Variants in SIK2 observed in about 807,000 individuals in gnomAD.
SIK2 encodes the protein serine/threonine-protein kinase SIK2.
Under a neutral mutation model 103.2 loss-of-function variants are expected in SIK2, and 29 were observed. The ratio of observed to expected loss-of-function variants is 0.28; its 90% CI spans 0.21 to 0.38. The LOEUF (loss-of-function observed/expected upper bound fraction) is 0.38, where lower values mean the gene tolerates loss of function less well. SIK2 is among the 10% of genes least tolerant of loss of function. The probability of loss-of-function intolerance (pLI) is 1.00; values close to 1 mark genes in which losing one functional copy is unlikely to be tolerated. For missense variants in SIK2, 879 were observed against 1,171.0 expected (o/e 0.75, Z 3.64); for synonymous variants, 412 against 446.1 (o/e 0.92, Z 0.96).
Position 111,723,911 on chromosome 11 carries a change from G to C in SIK2, c.2563G>C (p.Ala855Pro), listed in dbSNP as rs966698712. 1 of 1,613,562 alleles carries C rather than the reference G, an allele frequency of 6.2e-7. No homozygotes were observed. Among genetic ancestry groups the C allele is most frequent in the African/African-American group, 1.3e-5 (1 of 74,882 alleles). ...TCAGACTTGTGAGCTGCCAAGCGCTGCTTCCCCTGCGCCAGACTATCCCAC... is the reference window on the plus strand; with the variant it reads ...TCAGACTTGTGAGCTGCCAAGCGCTCCTTCCCCTGCGCCAGACTATCCCAC... Reference protein sequence around the residue: ...SYQTCELPSAASPAPDYPTPC... With the variant: ...SYQTCELPSAPSPAPDYPTPC... The change falls in exon 15 of 15, where the codon GCT becomes CCT. Residue 855 changes from alanine to proline, a missense_variant. Around this residue, in one of 7 missense-constraint regions of SIK2, gnomAD observed 375 missense variants for 416.3 expected, o/e 0.90. Coordinates refer to ENST00000304987, the MANE Select transcript of SIK2 (RefSeq NM_015191.3).
rs1943331805 is a variant in SIK2, at chr11:111,705,849, G to C, written c.1101+710G>C. Reference sequence around the variant, plus strand: ...AGGATGGGTCAGATAGAGAAAAGAAGAAATTTGGAGAGAGCAGTTAGGAGA... The same window carrying C: ...AGGATGGGTCAGATAGAGAAAAGAACAAATTTGGAGAGAGCAGTTAGGAGA... On this transcript the variant is annotated intron_variant, in intron 8 of 14. Transcript: ENST00000304987. The surrounding 1 kb of genome is among the most constrained non-coding windows in gnomAD (Gnocchi z 4.3). 6.6e-6 allele frequency among the ~76,000 whole-genome samples: 1 copy of C among 152,196 alleles called. No homozygotes were observed. The highest frequency in any genetic ancestry group is 1.5e-5 in the Non-Finnish European group (1 of 68,034).
At chr11:111,695,993 C>T (rs182094787) in intron 4 of SIK2, among the ~76,000 whole-genome samples, 9 of 152,284 alleles carry the variant, frequency 5.9e-5, no homozygotes, top group African/African-American at 2.2e-4. Context: ...AATAGCAGCT[C>T]TAGGGCTGTG....
intron 3 of SIK2, among the ~76,000 whole-genome samples, chr11:111,632,910 T>C (rs558669183): frequency 1.1e-4 from 16 of 152,294 alleles, no homozygotes; most frequent in Admixed American, 5.9e-4. Flanking sequence ...TAATTTAATA[T>C]GTGGCTTTGG....
Position 111,720,017 on chromosome 11 carries a change from G to A in SIK2, c.1495+14G>A, listed in dbSNP as rs747296712. On this transcript the variant is annotated intron_variant, in intron 10 of 14. Coordinates refer to ENST00000304987, the MANE Select transcript of SIK2 (RefSeq NM_015191.3). ...TGCCTGGGGCAGGTACGGTAGAGGA[G>A]CGACACTAGCTTGAGTCTTCATGGC... 8 of 1,606,274 alleles carry A rather than the reference G, an allele frequency of 5.0e-6. 1 individual carries two copies. The African/African-American group carries it at 8.0e-5, about 16-fold the overall frequency.
At chr11:111,721,770 G>A (rs1487568840) in intron 12 of SIK2, 60 bp from the exon 13 acceptor site, 24 of 1,360,666 alleles carry the variant, frequency 1.8e-5, no homozygotes, top group Non-Finnish European at 2.4e-5. Context: ...CTTCAGCTAA[G>A]AACTGAGACG....
chr11:111,692,927 T>C (rs192613234), intron 4 of SIK2, among the ~76,000 whole-genome samples: 1 of 152,156 alleles, frequency 6.6e-6, no homozygotes, highest in African/African-American at 2.4e-5. Context: ...ATTAAAATAT[T>C]TTTGTGTTTA....
Position 111,703,416 on chromosome 11 carries a change from C to T in SIK2, c.941C>T (p.Thr314Ile). The T allele has an allele frequency of 2.5e-6, 4 of 1,613,574 alleles. No individual in the cohort carries two copies. The highest frequency in any genetic ancestry group is 3.4e-6 in the Non-Finnish European group (4 of 1,179,806). The stretch of plus-strand genomic sequence containing the variant: ...AGCCTTGGAATAGATCAGCAGAAAA[C>T]CATTGAGGTAAAGTGATCAGAGATT... ...MHSLGIDQQKTIESLQNKSYN... is the reference protein window; with the variant it reads ...MHSLGIDQQKIIESLQNKSYN... Residue 314 changes from threonine to isoleucine, a missense_variant, in exon 7 of 15, where the codon ACC becomes ATC. Around this residue, in one of 7 missense-constraint regions of SIK2, gnomAD observed 99 missense variants for 153.9 expected, o/e 0.64. Coordinates refer to ENST00000304987, the MANE Select transcript of SIK2 (RefSeq NM_015191.3).
chr11:111,709,020 C>T (rs1943425112), intron 8 of SIK2, among the ~76,000 whole-genome samples: 1 of 152,220 alleles, frequency 6.6e-6, no homozygotes, highest in Non-Finnish European at 1.5e-5. Context: ...GGTTGCCCTT[C>T]ACAACAGGTT....
At position 111,672,031 on chromosome 11, in the gene SIK2, G is replaced by T. The variant is rs77266779; in HGVS notation, c.317-15970G>T. The T allele has an allele frequency of 8.4e-3, 4,336 of 517,936 alleles. 50 individuals are homozygous for T. Among genetic ancestry groups the T allele is most frequent in the South Asian group, 0.023 (1,585 of 70,422 alleles). 32.1% of individuals were successfully genotyped at this position (517,936 alleles called of 1,614,324 possible). ...CAGGAGGCTCCACTTGGTCTCAAGT[G>T]CCTTGTTCTGCTGCTCCAGGAACCA... On this transcript the variant is annotated intron_variant, in intron 3 of 14. Transcript: ENST00000304987.
chr11:111,716,038 G>A (rs1027712741), intron 9 of SIK2, among the ~76,000 whole-genome samples: 3 of 151,996 alleles, frequency 2.0e-5, no homozygotes, highest in South Asian at 4.1e-4. Flanking sequence ...CTGTCCTCAG[G>A]TGATCTGCCC....
intron 3 of SIK2, among the ~76,000 whole-genome samples, chr11:111,631,794 A>G (rs1942043701): frequency 6.6e-6 from 1 of 152,084 alleles, no homozygotes; most frequent in South Asian, 2.1e-4. Flanking sequence ...TTTCTCTTCT[A>G]CTTCTTGAAT....
chr11:111,605,945 C>A (rs180778738), intron 1 of SIK2, among the ~76,000 whole-genome samples: 145 of 152,168 alleles, frequency 9.5e-4, no homozygotes, highest in Non-Finnish European at 1.7e-3. Flanking sequence ...CTTCCTAATA[C>A]GCTTTGCAAA....
In SIK2 at chr11:111,693,604, A is replaced by G. The variant is rs115347904; in HGVS notation, c.478+5442A>G. Among the ~76,000 whole-genome samples the G allele has an allele frequency of 2.2e-3, 342 of 152,316 alleles. 1 individual carries two copies. Among genetic ancestry groups the G allele is most frequent in the African/African-American group, 7.9e-3 (328 of 41,580 alleles). Reference sequence around the variant, plus strand: ...TATTCTCCAACTTTCCCAATCTAAAATGTTTATAATAAATACTTAAATAAG... The same window carrying G: ...TATTCTCCAACTTTCCCAATCTAAAGTGTTTATAATAAATACTTAAATAAG... On this transcript the variant is annotated intron_variant, in intron 4 of 14. Coordinates refer to ENST00000304987, the MANE Select transcript of SIK2 (RefSeq NM_015191.3).
chr11:111,621,355 C>G (rs1941883296), intron 3 of SIK2, among the ~76,000 whole-genome samples: 1 of 152,076 alleles, frequency 6.6e-6, no homozygotes, highest in African/African-American at 2.4e-5. Flanking sequence ...AGGATATATT[C>G]TTTTTTTGGT....
At chr11:111,662,621 A>T (rs1201505002) in intron 3 of SIK2, among the ~76,000 whole-genome samples, 1 of 152,086 alleles carries the variant, frequency 6.6e-6, no homozygotes, top group East Asian at 1.9e-4. Context: ...TCACGCCTGT[A>T]ATCCCAGCAC....
chr11:111,707,614 G>A (rs554190371), intron 8 of SIK2, among the ~76,000 whole-genome samples: 3 of 152,226 alleles, frequency 2.0e-5, no homozygotes, highest in Admixed American at 6.5e-5. Context: ...TTCACATTTT[G>A]AGTTTTAGTG....
chr11:111,726,706 C>A lies in SIK2; in HGVS notation c.*2577C>A, dbSNP rs1017019026. The A allele has an allele frequency of 4.3e-5, 21 of 492,960 alleles. No individual in the cohort carries two copies. Among genetic ancestry groups the A allele is most frequent in the African/African-American group, 3.5e-4 (18 of 52,088 alleles). The allele number at this position is 492,960 out of a possible 1,614,324, so 30.5% of individuals were successfully genotyped here. Reference sequence around the variant, plus strand: ...CTTCCAAGCAGTTTTCTCTTCATCACTACTAACAAACAAAACACTAAGAAG... The same window carrying A: ...CTTCCAAGCAGTTTTCTCTTCATCAATACTAACAAACAAAACACTAAGAAG... On this transcript the variant is annotated 3_prime_UTR_variant, in exon 15 of 15. Transcript: ENST00000304987.
intron 2 of SIK2, among the ~76,000 whole-genome samples, chr11:111,618,768 T>C (rs919885184): frequency 1.3e-5 from 2 of 152,218 alleles, no homozygotes; most frequent in African/African-American, 4.8e-5. Flanking sequence ...TCTTGCTCTG[T>C]CACCCAGCGT....
chr11:111,666,943 T>TTTTATTTTA (rs1225658777), intron 3 of SIK2, among the ~76,000 whole-genome samples: 2 of 145,384 alleles, frequency 1.4e-5, no homozygotes, highest in African/African-American at 5.1e-5. Flanking sequence ...TTTTATTTTA[T>TTTTATTTTA]TTTATTTATT....
Sources: gnomAD v4.1 joint callset for allele counts (sites outside exome capture counted in the v4.1 genomes callset) on GRCh38, gnomAD v4.1.1 for gene constraint, gnomAD v4.1.1 regional missense constraint, Gnocchi (gnomAD v3.1) non-coding constraint, MANE v1.5 for transcripts, NCBI Gene and HGNC (gene_info 2026-07-23, HGNC 2026-07-21) for gene names.